NECAB1: variants seen among roughly 807,000 people sequenced by gnomAD.
The protein encoded by NECAB1 is N-terminal EF-hand calcium-binding protein 1.
NECAB1 carries 29 observed loss-of-function variants against 57.5 expected under a neutral mutation model. The observed-to-expected ratio is 0.50, with a 90% CI of 0.38 to 0.69. The LOEUF is 0.69. NECAB1 is among the 30% of genes least tolerant of loss of function. The probability of loss-of-function intolerance (pLI) is 0.00; values close to 1 mark genes in which losing one functional copy is unlikely to be tolerated. For synonymous variants in NECAB1, 142 were observed against 147.7 expected (o/e 0.96, Z 0.28); for missense variants, 372 against 413.8 (o/e 0.90, Z 0.88).
At chr8:90,918,867 T>C (rs2130129163) in intron 6 of NECAB1, among the ~76,000 whole-genome samples, 1 of 151,830 alleles carries the variant, frequency 6.6e-6, no homozygotes, top group South Asian at 2.1e-4. Context: ...TATTTATATC[T>C]ACTTATCTCA....
chr8:90,869,310 C>T (rs1222453688), intron 3 of NECAB1, among the ~76,000 whole-genome samples: 1 of 152,210 alleles, frequency 6.6e-6, no homozygotes. Context: ...CATAGAGTCC[C>T]CACTGGGGCA....
chr8:90,887,587 G>A (rs758975862), intron 5 of NECAB1, among the ~76,000 whole-genome samples: 1 of 152,204 alleles, frequency 6.6e-6, no homozygotes, highest in Non-Finnish European at 1.5e-5. Flanking sequence ...GGAGAGGTCA[G>A]TGCTCACTGA....
chr8:90,913,201 C>T (rs1165158634), intron 5 of NECAB1, among the ~76,000 whole-genome samples: 1 of 152,162 alleles, frequency 6.6e-6, no homozygotes, highest in Non-Finnish European at 1.5e-5. Context: ...AAGCACTATG[C>T]TTCCAATGCT....
chr8:90,840,034 T>G (rs1300553137), intron 3 of NECAB1, among the ~76,000 whole-genome samples: 1 of 152,202 alleles, frequency 6.6e-6, no homozygotes, highest in Non-Finnish European at 1.5e-5. Context: ...TCTTTCTGAT[T>G]TTGCCTAAAT....
At chr8:90,945,292 C>T (rs1302229062) in intron 10 of NECAB1, among the ~76,000 whole-genome samples, 1 of 152,080 alleles carries the variant, frequency 6.6e-6, no homozygotes, top group Non-Finnish European at 1.5e-5. Context: ...GGTCGCGAAC[C>T]TCCGACTTCG....
chr8:90,850,599 A>G (rs1812664123), intron 3 of NECAB1, among the ~76,000 whole-genome samples: 2 of 152,218 alleles, frequency 1.3e-5, no homozygotes, highest in South Asian at 4.1e-4. Flanking sequence ...CACCATGCAA[A>G]TCAGAATGTA....
chr8:90,798,718 A>T (rs1811708522), intron 1 of NECAB1, among the ~76,000 whole-genome samples: 1 of 152,100 alleles, frequency 6.6e-6, no homozygotes, highest in Non-Finnish European at 1.5e-5. Flanking sequence ...ACTTAAGTTG[A>T]TTTAGTATTT....
chr8:90,891,700 CT>C (rs558775895), intron 5 of NECAB1, among the ~76,000 whole-genome samples: 44 of 143,102 alleles, frequency 3.1e-4, no homozygotes, highest in Admixed American at 4.2e-4. Context: ...TTTTCTTTTT[CT>C]TTTTTTTTTT....
chr8:90,860,645 T>C (rs1203588499), intron 3 of NECAB1, among the ~76,000 whole-genome samples: 1 of 152,182 alleles, frequency 6.6e-6, no homozygotes, highest in African/African-American at 2.4e-5. Context: ...AGATTATTCA[T>C]AGCTTTTGTC....
At chr8:90,843,252 G>A (rs983261294) in intron 3 of NECAB1, among the ~76,000 whole-genome samples, 2 of 152,132 alleles carry the variant, frequency 1.3e-5, no homozygotes, top group South Asian at 2.1e-4. Flanking sequence ...GGGATTATGG[G>A]AGCTACAATT....
At chr8:90,909,091 A>C (rs1367612804) in intron 5 of NECAB1, among the ~76,000 whole-genome samples, 1 of 152,126 alleles carries the variant, frequency 6.6e-6, no homozygotes, top group Non-Finnish European at 1.5e-5. Context: ...TTTGCTAGAA[A>C]TTGTCAGCTA....
Position 90,956,573 on chromosome 8 carries a change from A to ATAAATATTTT in NECAB1, c.*1064_*1065insATATTTTTAA, listed in dbSNP as rs1811035905. The ATAAATATTTT allele has an allele frequency of 6.6e-6, 1 of 151,862 alleles. No individual in the cohort carries two copies. The highest frequency in any genetic ancestry group is 1.5e-5 in the Non-Finnish European group (1 of 67,890). 9.4% of individuals were successfully genotyped at this position (151,862 alleles called of 1,614,324 possible). Reference sequence around the variant, plus strand: ...CAAGCTCAGAAATTAAATATTTTTAATAATAAAAATCTGTTCTGGTTATAA... The same window carrying ATAAATATTTT: ...CAAGCTCAGAAATTAAATATTTTTAATAAATATTTTTAATAAAAATCTGTTCTGGTTATAA... On this transcript the variant is annotated 3_prime_UTR_variant, in exon 13 of 13. Transcript: ENST00000417640.
At chr8:90,801,126 T>C (rs1442849580) in intron 1 of NECAB1, among the ~76,000 whole-genome samples, 1 of 152,206 alleles carries the variant, frequency 6.6e-6, no homozygotes, top group Non-Finnish European at 1.5e-5. Flanking sequence ...ATGATTGACT[T>C]ACATTAATGT....
chr8:90,829,619 T>A (rs1270097803), intron 3 of NECAB1, among the ~76,000 whole-genome samples: 1 of 152,016 alleles, frequency 6.6e-6, no homozygotes, highest in Non-Finnish European at 1.5e-5. Context: ...TATCTTCTGA[T>A]CAAGTGTTCT....
At chr8:90,955,038 G>A (rs2130284988) in intron 12 of NECAB1, among the ~76,000 whole-genome samples, 1 of 139,692 alleles carries the variant, frequency 7.2e-6, no homozygotes, top group East Asian at 2.1e-4. Flanking sequence ...TATAAATGCA[G>A]GTGCATGTAT....
intron 3 of NECAB1, among the ~76,000 whole-genome samples, chr8:90,849,357 T>G (rs1812635718): frequency 6.6e-6 from 1 of 151,332 alleles, no homozygotes; most frequent in Non-Finnish European, 1.5e-5. Flanking sequence ...TAGTTCCAGC[T>G]GCTTGGGAGG....
rs1231470855 is a variant in NECAB1, at chr8:90,889,782, C to T, written c.357+8652C>T. ...GAGATGGGCTGGGCGTGGTGGCTCA[C>T]GCCTGTAATCCCAGCACTTTGGGAG... On this transcript the variant is annotated intron_variant, in intron 5 of 12. Transcript: ENST00000417640. 3.3e-5 allele frequency among the ~76,000 whole-genome samples: 5 copies of T among 152,334 alleles called. No individual in the cohort carries two copies. The East Asian group carries it at 5.8e-4, about 18-fold the overall frequency.
At chr8:90,843,790 A>G (rs868174387) in intron 3 of NECAB1, among the ~76,000 whole-genome samples, 14 of 152,322 alleles carry the variant, frequency 9.2e-5, no homozygotes, top group African/African-American at 2.6e-4. Flanking sequence ...TTTTTAGATC[A>G]CTGACAATGT....
In NECAB1 at chr8:90,837,192, G is replaced by A. The variant is rs568699168; in HGVS notation, c.233+12367G>A. Among the ~76,000 whole-genome samples, 9 of 152,356 alleles carry A rather than the reference G, an allele frequency of 5.9e-5. No homozygotes were observed. The East Asian group carries it at 7.7e-4, about 13-fold the overall frequency. On this transcript the variant is annotated intron_variant, in intron 3 of 12. Coordinates refer to ENST00000417640, the MANE Select transcript of NECAB1 (RefSeq NM_022351.5). Reference sequence around the variant, plus strand: ...GGAGGTCACCTGTGCTACTTTGGCCGAAGGCCAGCCACCTAAGGAAATAAT... The same window carrying A: ...GGAGGTCACCTGTGCTACTTTGGCCAAAGGCCAGCCACCTAAGGAAATAAT...
Sources: gnomAD v4.1 joint callset for allele counts (sites outside exome capture counted in the v4.1 genomes callset) on GRCh38, gnomAD v4.1.1 for gene constraint, MANE v1.5 for transcripts, NCBI Gene and HGNC (gene_info 2026-07-23, HGNC 2026-07-21) for gene names.